SCRN1: variants seen among roughly 807,000 people sequenced by gnomAD.
SCRN1 encodes the protein secernin 1.
Under a neutral mutation model 43.3 loss-of-function variants are expected in SCRN1, and 19 were observed. The observed-to-expected ratio is 0.44, with a 90% CI of 0.31 to 0.64. The LOEUF (loss-of-function observed/expected upper bound fraction) is 0.64, where lower values mean the gene tolerates loss of function less well. Among genes scored for constraint, SCRN1 ranks in the 30% least tolerant of loss-of-function variants. The probability of loss-of-function intolerance (pLI) is 0.09; values close to 1 mark genes in which losing one functional copy is unlikely to be tolerated. For synonymous variants in SCRN1, 183 were observed against 188.9 expected, an observed-to-expected ratio of 0.97 and a Z score of 0.26; for missense variants, 447 against 524.1, an observed-to-expected ratio of 0.85 and a Z score of 1.44.
chr7:29,956,121 G>T (rs765510540), intron 2 of SCRN1, among the ~76,000 whole-genome samples: 1 of 152,230 alleles, frequency 6.6e-6, no homozygotes, highest in Admixed American at 6.5e-5. Context: ...TTCTTCCCAA[G>T]TATTTTTAAC....
intron 1 of SCRN1, 30 bp from the exon 2 acceptor site, chr7:29,969,098 G>A (rs756186082): frequency 6.2e-7 from 1 of 1,601,882 alleles, no homozygotes; most frequent in East Asian, 2.2e-5. Context: ...AAGAGTGGAA[G>A]CAGGCCTCAC....
rs1191069901 is a variant in SCRN1, at chr7:29,921,992, A to G, written c.*1965T>C. The G allele has an allele frequency of 6.6e-6, 1 of 152,148 alleles. No individual in the cohort carries two copies. Among genetic ancestry groups the G allele is most frequent in the Non-Finnish European group, 1.5e-5 (1 of 68,020 alleles). The allele number at this position is 152,148 out of a possible 1,614,324, so 9.4% of individuals were successfully genotyped here. On this transcript the variant is annotated 3_prime_UTR_variant, in exon 8 of 8. Transcript: ENST00000242059. The stretch of plus-strand genomic sequence containing the variant: ...CTTGCTTTACATAGCCACTTGGAAC[A>G]TGGACTTGGGAGGGGAGAGTTACCT...
In SCRN1 at chr7:29,989,775, GC is replaced by G; in HGVS notation, c.-136del. The stretch of plus-strand genomic sequence containing the variant: ...TGCAGCTGCAGTGGCGGAGGCGGCC[GC>G]CGGGCGCTTCCCCCTACCCAGACTC... On this transcript the variant is annotated 5_prime_UTR_variant, in exon 1 of 8. Coordinates refer to ENST00000242059, the MANE Select transcript of SCRN1 (RefSeq NM_014766.5). 2.0e-6 allele frequency: 2 copies of G among 986,576 alleles called. No homozygotes were observed. The highest frequency in any genetic ancestry group is 2.4e-6 in the Non-Finnish European group (2 of 830,930). 61.1% of individuals were successfully genotyped at this position (986,576 alleles called of 1,614,324 possible).
rs1206184775 is a variant in SCRN1 at position 29,983,543 on chromosome 7, T to TA, written c.-2+6098dup. Among the ~76,000 whole-genome samples, 8 of 152,014 alleles carry TA rather than the reference T, an allele frequency of 5.3e-5. No individual in the cohort carries two copies. The East Asian group carries it at 1.5e-3, about 29-fold the overall frequency. ...TTTGCTAGAAAGATTCAGTGTTATG[T>TA]AAAAAAGTCAGCCCTCCCTAAATTA... On this transcript the variant is annotated intron_variant, in intron 1 of 7. Transcript: ENST00000242059.
Position 29,936,570 on chromosome 7 carries a change from G to C in SCRN1, c.891C>G (p.Thr297=). The C allele has an allele frequency of 6.3e-7, 1 of 1,588,832 alleles. No individual in the cohort carries two copies. Among genetic ancestry groups the C allele is most frequent in the African/African-American group, 1.3e-5 (1 of 74,704 alleles). ...SSPCIHYFTG[T]PDPSRSIFKP... ...CTCGGACAAACCTGGAAGGATCAGGGGTTCCAGTGAAGTAGTGAATGCACG... is the reference window on the plus strand; with the variant it reads ...CTCGGACAAACCTGGAAGGATCAGGCGTTCCAGTGAAGTAGTGAATGCACG... Residue 297 remains threonine (T), a synonymous_variant, in exon 6 of 8, where the codon ACC becomes ACG. Transcript: ENST00000242059.
intron 6 of SCRN1, among the ~76,000 whole-genome samples, chr7:29,932,651 C>CAAAAAAAAAAAAAAA (rs1162835669): frequency 5.0e-4 from 4 of 8,048 alleles, no homozygotes; most frequent in African/African-American, 1.7e-3. Context: ...GATTCCATCT[C>CAAAAAAAAAAAAAAA]AAAAAAAAAA....
intron 7 of SCRN1, among the ~76,000 whole-genome samples, chr7:29,925,473 CATAA>C (rs1426202296): frequency 6.6e-6 from 1 of 152,212 alleles, no homozygotes; most frequent in African/African-American, 2.4e-5. Context: ...AAAGTTGTTA[CATAA>C]ATAGTTGGGG....
At chr7:29,927,094 C>T (rs1180561494) in intron 6 of SCRN1, among the ~76,000 whole-genome samples, 4 of 151,316 alleles carry the variant, frequency 2.6e-5, no homozygotes, top group Non-Finnish European at 5.9e-5. Context: ...TTCTACCTTA[C>T]TGAAAAATCT....
chr7:29,947,729 T>C (rs890282487), intron 3 of SCRN1, among the ~76,000 whole-genome samples: 6 of 152,214 alleles, frequency 3.9e-5, no homozygotes, highest in Non-Finnish European at 8.8e-5. Context: ...AAAATTCATA[T>C]GTTAAGCCTC....
At chr7:29,949,985 C>T (rs867156335) in intron 3 of SCRN1, among the ~76,000 whole-genome samples, 1 of 152,180 alleles carries the variant, frequency 6.6e-6, no homozygotes, top group African/African-American at 2.4e-5. Context: ...TGTGAAGATG[C>T]CGGCTGCAAC....
At chr7:29,944,305 C>A (rs910868101) in intron 3 of SCRN1, 126 bp from the exon 4 acceptor site, 3 of 761,798 alleles carry the variant, frequency 3.9e-6, no homozygotes, top group Non-Finnish European at 6.6e-6. Flanking sequence ...GTTAAGTCTG[C>A]AGAACAATAA....
chr7:29,940,013 G>C (rs1311490493), intron 5 of SCRN1, among the ~76,000 whole-genome samples: 1 of 151,944 alleles, frequency 6.6e-6, no homozygotes, highest in African/African-American at 2.4e-5. Context: ...AGCCAGAAAT[G>C]GTGGCATATG....
chr7:29,936,777 T>C, intron 5 of SCRN1, 56 bp from the exon 6 acceptor site: 1 of 1,399,540 alleles, frequency 7.1e-7, no homozygotes, highest in Non-Finnish European at 9.5e-7. Context: ...CCGGGCGCGG[T>C]GGCTCACGCC....
chr7:29,967,239 C>T (rs192119065), intron 2 of SCRN1, among the ~76,000 whole-genome samples: 19 of 151,840 alleles, frequency 1.3e-4, no homozygotes, highest in Admixed American at 7.9e-4. Flanking sequence ...AAAACATAAC[C>T]AAGAAGGTTA....
chr7:29,950,983 C>T lies in SCRN1; in HGVS notation c.341+4196G>A, dbSNP rs1300572159. Among the ~76,000 whole-genome samples, 1 of 152,234 alleles carries T rather than the reference C, an allele frequency of 6.6e-6. No individual in the cohort carries two copies. Among genetic ancestry groups the T allele is most frequent in the Non-Finnish European group, 1.5e-5 (1 of 68,046 alleles). ...AATGGTGGGACTGAAAGAGCTATAA[C>T]ACAAACAGTGCTGAAGCACACCCCC... On this transcript the variant is annotated intron_variant, in intron 3 of 7. Coordinates refer to ENST00000242059, the MANE Select transcript of SCRN1 (RefSeq NM_014766.5). This position sits in a 1 kb window ranked among gnomAD's most constrained non-coding sequence, Gnocchi z 4.5.
At chr7:29,990,022 G>T (rs752160581), upstream of SCRN1, 7 of 1,460,252 alleles carry the variant, frequency 4.8e-6, no homozygotes, top group African/African-American at 1.4e-5. Flanking sequence ...CCCCCTCTTT[G>T]CTAGATTTTT....
intron 1 of SCRN1, among the ~76,000 whole-genome samples, chr7:29,983,081 C>T (rs375418738): frequency 2.0e-5 from 3 of 152,064 alleles, no homozygotes; most frequent in African/African-American, 7.2e-5. Flanking sequence ...TCGTGATCCG[C>T]CCACCTCGGC....
chr7:29,931,816 A>T (rs1034834741), intron 6 of SCRN1, among the ~76,000 whole-genome samples: 1 of 152,168 alleles, frequency 6.6e-6, no homozygotes, highest in Admixed American at 6.5e-5. Flanking sequence ...AATTTGAACC[A>T]ATCTCAAATA....
At chr7:29,984,021 C>A (rs1476235673) in intron 1 of SCRN1, among the ~76,000 whole-genome samples, 1 of 152,082 alleles carries the variant, frequency 6.6e-6, no homozygotes, top group African/African-American at 2.4e-5. Flanking sequence ...GCCTGGCCAG[C>A]ATGGCATTAC....
Sources: allele counts gnomAD v4.1 joint callset (sites outside exome capture counted in the v4.1 genomes callset), GRCh38; gene constraint gnomAD v4.1.1; non-coding constraint Gnocchi (gnomAD v3.1); transcripts MANE v1.5; gene names NCBI Gene and HGNC (gene_info 2026-07-23, HGNC 2026-07-21).